Variants in CPEB4 observed in about 807,000 individuals in gnomAD.
CPEB4 encodes the protein cytoplasmic polyadenylation element binding protein 4, also known as cytoplasmic polyadenylation element-binding protein 4.
Under a neutral mutation model 72.5 loss-of-function variants are expected in CPEB4, and 12 were observed. The ratio of observed to expected loss-of-function variants is 0.17; its 90% confidence interval spans 0.11 to 0.27. The LOEUF (loss-of-function observed/expected upper bound fraction) is 0.27. CPEB4 is among the 10% of genes least tolerant of loss of function. The pLI is 1.00. For missense variants in CPEB4, 614 were observed against 908.5 expected (o/e 0.68, Z 4.17); for synonymous variants, 302 against 326.3 (o/e 0.93, Z 0.80).
chr5:173,931,357 T>A (rs1238047058), intron 2 of CPEB4, among the ~76,000 whole-genome samples: 1 of 152,108 alleles, frequency 6.6e-6, no homozygotes, highest in Non-Finnish European at 1.5e-5. Context: ...CTTTTGAGAG[T>A]CATGGTTCTG....
chr5:173,924,673 A>T (rs915855713), intron 2 of CPEB4, among the ~76,000 whole-genome samples: 1 of 152,214 alleles, frequency 6.6e-6, no homozygotes, highest in Non-Finnish European at 1.5e-5. Context: ...CAATGGAATT[A>T]TCTCTGTTTT....
rs1758520976 is a variant in CPEB4, at chr5:173,960,667, T to C, written c.*4530T>C. ...AAAAGTGAAAAACCCAATGTTTAGTTAATAATGAAAGTCCGTATCTGGGAG... is the reference window on the plus strand; with the variant it reads ...AAAAGTGAAAAACCCAATGTTTAGTCAATAATGAAAGTCCGTATCTGGGAG... On this transcript the variant is annotated 3_prime_UTR_variant, in exon 10 of 10. Transcript: ENST00000265085. 1 of 152,194 alleles carries C rather than the reference T, an allele frequency of 6.6e-6. No homozygotes were observed. The highest frequency in any genetic ancestry group is 2.1e-4 in the South Asian group (1 of 4,836). 9.4% of individuals were successfully genotyped at this position (152,194 alleles called of 1,614,324 possible).
At chr5:173,951,992 A>C in intron 8 of CPEB4, 54 bp downstream of exon 8, 6 of 1,101,278 alleles carry the variant, frequency 5.4e-6, no homozygotes, top group Non-Finnish European at 8.4e-6. Context: ...AAATATGAAG[A>C]TCTTCAGGAT....
intron 3 of CPEB4, among the ~76,000 whole-genome samples, chr5:173,937,505 A>G (rs970575812): frequency 6.6e-6 from 1 of 152,206 alleles, no homozygotes; most frequent in African/African-American, 2.4e-5. Flanking sequence ...TGCTACAATA[A>G]TAAGCATGTT....
At chr5:173,910,742 C>T (rs969068970) in intron 2 of CPEB4, 138 bp downstream of exon 2, 19 of 620,388 alleles carry the variant, frequency 3.1e-5, no homozygotes, top group African/African-American at 2.8e-4. Flanking sequence ...ACACATATAC[C>T]TCTTGTTGTT....
At position 173,960,887 on chromosome 5, in the gene CPEB4, A is replaced by T. The variant is rs1388982944; in HGVS notation, c.*4750A>T. The T allele has an allele frequency of 2.0e-5, 3 of 152,226 alleles. No homozygotes were observed. Among genetic ancestry groups the T allele is most frequent in the Non-Finnish European group, 2.9e-5 (2 of 68,040 alleles). 9.4% of individuals were successfully genotyped at this position (152,226 alleles called of 1,614,324 possible). ...TTATCTTTGATTTGATCCATTAATC[A>T]TGTGGACTACCAAGTGCTGTAATGT... is the stretch of plus-strand genomic sequence containing the variant. On this transcript the variant is annotated 3_prime_UTR_variant, in exon 10 of 10. Coordinates refer to ENST00000265085, the MANE Select transcript of CPEB4 (RefSeq NM_030627.4).
At chr5:173,906,003 T>C (rs1313285876) in intron 1 of CPEB4, among the ~76,000 whole-genome samples, 1 of 152,222 alleles carries the variant, frequency 6.6e-6, no homozygotes, top group African/African-American at 2.4e-5. Flanking sequence ...CACTCATTTA[T>C]GCTAATGTTC....
chr5:173,935,197 A>G (rs769558219), intron 3 of CPEB4, among the ~76,000 whole-genome samples: 3 of 152,344 alleles, frequency 2.0e-5, no homozygotes, highest in Non-Finnish European at 4.4e-5. Context: ...AGCTGAAAAT[A>G]TATAAGAAAA....
chr5:173,894,818 G>A (rs894630315), intron 1 of CPEB4, among the ~76,000 whole-genome samples: 4 of 152,058 alleles, frequency 2.6e-5, no homozygotes, highest in African/African-American at 9.7e-5. Flanking sequence ...AGTGGGTGCA[G>A]GTGGGGCTGG....
chr5:173,927,544 G>A (rs1434926238), intron 2 of CPEB4, among the ~76,000 whole-genome samples: 2 of 152,214 alleles, frequency 1.3e-5, no homozygotes, highest in South Asian at 2.1e-4. Flanking sequence ...TCGGGAGGCC[G>A]AGGCAGGAGG....
Position 173,955,213 on chromosome 5 carries a change from T to C in CPEB4, c.1963-697T>C, listed in dbSNP as rs931163726. ...TGCTTGAAAGGTTCACATGACAGGT[T>C]GGCCGATAGAACGCTGGAACAGGCC... is the stretch of plus-strand genomic sequence containing the variant. On this transcript the variant is annotated intron_variant, in intron 9 of 9. Transcript: ENST00000265085. This position sits in a 1 kb window ranked among gnomAD's most constrained non-coding sequence, Gnocchi z 4.7. 2.0e-5 allele frequency among the ~76,000 whole-genome samples: 3 copies of C among 152,228 alleles called. No individual in the cohort carries two copies. The highest frequency in any genetic ancestry group is 2.0e-4 in the Admixed American group (3 of 15,280).
intron 1 of CPEB4, among the ~76,000 whole-genome samples, chr5:173,901,593 T>C (rs1213433291): frequency 1.3e-5 from 2 of 152,214 alleles, no homozygotes; most frequent in Non-Finnish European, 2.9e-5. Flanking sequence ...AAAACTTCAC[T>C]TAAACCACTT....
In CPEB4 at chr5:173,889,560, C is replaced by T; in HGVS notation, c.-174C>T. ...AAGAGTTGTTTTTTCTTTCAGAGAC[C>T]AGAATTCCAAATCAGAACAATTTAA... On this transcript the variant is annotated 5_prime_UTR_variant, in exon 1 of 10. Transcript: ENST00000265085. 5.9e-6 allele frequency: 3 copies of T among 509,624 alleles called. No homozygotes were observed. Among genetic ancestry groups the T allele is most frequent in the Non-Finnish European group, 1.0e-5 (3 of 290,038 alleles). The allele number at this position is 509,624 out of a possible 1,614,324, so 31.6% of individuals were successfully genotyped here.
chr5:173,901,340 T>G (rs1034808371), intron 1 of CPEB4, among the ~76,000 whole-genome samples: 1 of 152,218 alleles, frequency 6.6e-6, no homozygotes, highest in Non-Finnish European at 1.5e-5. Flanking sequence ...TTAGGGAACA[T>G]GTGGTAACCT....
intron 1 of CPEB4, among the ~76,000 whole-genome samples, chr5:173,907,095 C>T (rs566636717): frequency 1.3e-5 from 2 of 152,132 alleles, no homozygotes; most frequent in East Asian, 1.9e-4. Context: ...AGTGAAACCC[C>T]GTCTATACTA....
At chr5:173,893,814 A>C (rs1755903139) in intron 1 of CPEB4, among the ~76,000 whole-genome samples, 1 of 152,226 alleles carries the variant, frequency 6.6e-6, no homozygotes, top group Admixed American at 6.5e-5. Context: ...AGGTTTGGGT[A>C]CATATAATGA....
intron 5 of CPEB4, 120 bp downstream of exon 5, chr5:173,945,260 C>A: frequency 3.8e-6 from 3 of 798,936 alleles, no homozygotes; most frequent in Non-Finnish European, 6.0e-6. Flanking sequence ...TTGCATTGTT[C>A]TCTTGTCCTA....
intron 2 of CPEB4, among the ~76,000 whole-genome samples, chr5:173,917,779 C>G (rs1210175630): frequency 6.6e-6 from 1 of 152,128 alleles, no homozygotes; most frequent in East Asian, 1.9e-4. Context: ...TAATTTTACT[C>G]GGATTTATAA....
chr5:173,929,624 T>G (rs548496056), intron 2 of CPEB4, among the ~76,000 whole-genome samples: 1 of 152,170 alleles, frequency 6.6e-6, no homozygotes, highest in Admixed American at 6.5e-5. Flanking sequence ...CACTTAAGCC[T>G]GGGAGGTCGA....
Sources: allele counts gnomAD v4.1 joint callset (sites outside exome capture counted in the v4.1 genomes callset), GRCh38; gene constraint gnomAD v4.1.1; non-coding constraint Gnocchi (gnomAD v3.1); transcripts MANE v1.5; gene names NCBI Gene and HGNC (gene_info 2026-07-23, HGNC 2026-07-21).